Variants in FAM90A1 observed in about 807,000 individuals in gnomAD.
FAM90A1 encodes family with sequence similarity 90 member A1.
In FAM90A1, 10 loss-of-function variants were observed where a neutral mutation model predicts 14.8. The ratio of observed to expected loss-of-function variants is 0.67; its 90% confidence interval spans 0.42 to 1.14. The LOEUF (loss-of-function observed/expected upper bound fraction) is 1.14. Ranked by LOEUF, FAM90A1 falls within the 50% of genes most tolerant of loss-of-function variation. The probability of loss-of-function intolerance (pLI) is 0.00; values close to 1 mark genes in which losing one functional copy is unlikely to be tolerated. For missense variants in FAM90A1, 567 were observed against 602.8 expected, an observed-to-expected ratio of 0.94 and a Z score of 0.62; for synonymous variants, 236 against 248.4, an observed-to-expected ratio of 0.95 and a Z score of 0.47.
chr12:8,224,792 A>T lies in FAM90A1; in HGVS notation c.41T>A (p.Leu14Gln), dbSNP rs1490951613. The T allele has an allele frequency of 5.6e-6, 9 of 1,608,526 alleles. No homozygotes were observed. Among genetic ancestry groups the T allele is most frequent in the Non-Finnish European group, 6.8e-6 (8 of 1,179,692 alleles). The change falls in exon 4 of 7, where the codon CTG becomes CAG. Residue 14 changes from leucine to glutamine, a missense_variant. By Grantham distance (113) the Leu-to-Gln change is moderately radical (BLOSUM62 -2). Transcript: ENST00000538603. ...RRDPKPGAKR[L>Q]VRAQTLQKQR... The stretch of plus-strand genomic sequence containing the variant: ...CTTCTGGAGGGTCTGGGCTCTCACC[A>T]GTCTCTTTGCCCCAGGTTTGGGGTC...
chr12:8,227,163 T>A, intron 1 of FAM90A1, among the ~76,000 whole-genome samples: 1 of 152,202 alleles, frequency 6.6e-6, no homozygotes, highest in Non-Finnish European at 1.5e-5. Flanking sequence ...CCCCTGTCCC[T>A]CAGTTACTGC....
chr12:8,223,275 C>G (rs111896101), intron 6 of FAM90A1, among the ~76,000 whole-genome samples, 174 bp downstream of exon 6: 2 of 152,192 alleles, frequency 1.3e-5, no homozygotes, highest in Non-Finnish European at 2.9e-5. Context: ...AATACGGCAT[C>G]TTCAGATGCC....
chr12:8,224,892 A>G lies in FAM90A1; in HGVS notation c.-56-4T>C. On this transcript the variant is annotated splice_region_variant and splice_polypyrimidine_tract_variant and intron_variant, in intron 3 of 6. Coordinates refer to ENST00000538603, the MANE Select transcript of FAM90A1 (RefSeq NM_018088.3). ...CAGGGGTTGATTGTCGGGTCACCTGAAACACACACAAACACACACAAGTCG... is the reference window on the plus strand; with the variant it reads ...CAGGGGTTGATTGTCGGGTCACCTGGAACACACACAAACACACACAAGTCG... 1 of 1,556,350 alleles carries G rather than the reference A, an allele frequency of 6.4e-7. No individual in the cohort carries two copies. Among genetic ancestry groups the G allele is most frequent in the Non-Finnish European group, 8.8e-7 (1 of 1,141,570 alleles).
chr12:8,223,021 C>A (rs781378737), intron 6 of FAM90A1, among the ~76,000 whole-genome samples: 2 of 152,240 alleles, frequency 1.3e-5, no homozygotes, highest in African/African-American at 4.8e-5. Flanking sequence ...CAAAAGATTG[C>A]GTCTTAGGCA....
chr12:8,226,632 C>T (rs1948949083), intron 1 of FAM90A1, among the ~76,000 whole-genome samples, 154 bp from the exon 2 acceptor site: 2 of 152,162 alleles, frequency 1.3e-5, no homozygotes, highest in Admixed American at 6.5e-5. Context: ...TTAATCCCCA[C>T]TGCAGCTCTC....
In FAM90A1 at chr12:8,222,452, G is replaced by T. The variant is rs17857270; in HGVS notation, c.765C>A (p.Ser255Arg). 0.077 allele frequency: 114,866 copies of T among 1,485,076 alleles called. 11,457 individuals carry two copies. Among genetic ancestry groups the T allele is most frequent in the East Asian group, 0.41 (17,005 of 41,402 alleles). The allele number at this position is 1,485,076 out of a possible 1,614,324, so 92.0% of individuals were successfully genotyped here. A position where few individuals can be genotyped will look rare whatever the true frequency, so the allele number is the denominator to read the frequency against. ...SKTHGLLQAV[S>R]PQAQDKRPAV... ...CAGGACGTTTGTCTTGTGCCTGGGGGCTGACGGCCTGGAGCAGGCCGTGGG... is the reference window on the plus strand; with the variant it reads ...CAGGACGTTTGTCTTGTGCCTGGGGTCTGACGGCCTGGAGCAGGCCGTGGG... The change falls in exon 7 of 7, where the codon AGC becomes AGA. Residue 255 changes from serine (S) to arginine (R), a missense_variant. By Grantham distance (110) the Ser-to-Arg change is moderately radical. Transcript: ENST00000538603.
chr12:8,222,956 C>T (rs904632490), intron 6 of FAM90A1, among the ~76,000 whole-genome samples, 172 bp from the exon 7 acceptor site: 11 of 152,352 alleles, frequency 7.2e-5, no homozygotes, highest in African/African-American at 2.4e-4. Flanking sequence ...CAGGACAAGA[C>T]ACATGAAAGA....
rs1245034326 is a variant in FAM90A1 at position 8,224,883 on chromosome 12, G to A, written c.-51C>T. On this transcript the variant is annotated 5_prime_UTR_variant, in exon 4 of 7. Coordinates refer to ENST00000538603, the MANE Select transcript of FAM90A1 (RefSeq NM_018088.3). ...CGCCTTTTTCAGGGGTTGATTGTCG[G>A]GTCACCTGAAACACACACAAACACA... 1.9e-6 allele frequency: 3 copies of A among 1,599,728 alleles called. No individual in the cohort carries two copies. The South Asian group carries it at 3.3e-5, about 18-fold the overall frequency.
chr12:8,222,418 A>G lies in FAM90A1; in HGVS notation c.799T>C (p.Ser267Pro), dbSNP rs1200224656. ...QAQDKRPAVT[S>P]QPCPPAATHS... ...GTGGCGGCTGGTGGGCAGGGCTGTG[A>G]GGTCACCGCAGGACGTTTGTCTTGT... The change falls in exon 7 of 7, where the codon TCA becomes CCA. Residue 267 changes from serine to proline, a missense_variant. By Grantham distance (74) the Ser-to-Pro change is moderately conservative. Coordinates refer to ENST00000538603, the MANE Select transcript of FAM90A1 (RefSeq NM_018088.3). The G allele has an allele frequency of 3.1e-6, 5 of 1,610,890 alleles. No homozygotes were observed. Among genetic ancestry groups the G allele is most frequent in the Non-Finnish European group, 2.5e-6 (3 of 1,179,322 alleles).
At chr12:8,226,802 CT>C (rs71042351) in intron 1 of FAM90A1, among the ~76,000 whole-genome samples, 1,327 of 79,784 alleles carry the variant, frequency 0.017, no homozygotes, top group African/African-American at 0.037. Context: ...TCATTGATGT[CT>C]TTTTTTTTTT....
At position 8,222,710 on chromosome 12, in the gene FAM90A1, T is replaced by C; in HGVS notation, c.507A>G (p.Ser169=). 6.2e-7 allele frequency: 1 copy of C among 1,607,262 alleles called. No homozygotes were observed. The highest frequency in any genetic ancestry group is 8.5e-7 in the Non-Finnish European group (1 of 1,179,840). The change falls in exon 7 of 7, where the codon TCA becomes TCG. Residue 169 remains serine (S), a synonymous_variant. Transcript: ENST00000538603. ...AGCCCCTGTCAGACATTTCGGTAGCTGAGCGATCAGAGAGGACAGGGTCCA... is the reference window on the plus strand; with the variant it reads ...AGCCCCTGTCAGACATTTCGGTAGCCGAGCGATCAGAGAGGACAGGGTCCA... The part of the protein sequence containing the change: ...PRVDPVLSDR[S]ATEMSDRGSV...
chr12:8,222,648 C>T lies in FAM90A1; in HGVS notation c.569G>A (p.Ser190Asn). The change falls in exon 7 of 7, where the codon AGT becomes AAT. Residue 190 changes from serine to asparagine, a missense_variant. By Grantham distance (46) the Ser-to-Asn change is conservative. Transcript: ENST00000538603. ...LASLSPLRKA[S>N]LSSSSSLGPK... ...TCCAAGACTTGAGGAGGAGCTCAGA[C>T]TGGCTTTTCTGAGGGGAGACAGTGA... The T allele has an allele frequency of 1.9e-6, 3 of 1,611,578 alleles. No individual in the cohort carries two copies. Among genetic ancestry groups the T allele is most frequent in the Non-Finnish European group, 2.5e-6 (3 of 1,179,864 alleles).
Position 8,227,599 on chromosome 12 carries a change from G to A in FAM90A1, c.-540C>T, listed in dbSNP as rs1269826243. On this transcript the variant is annotated 5_prime_UTR_variant, in exon 1 of 7. Transcript: ENST00000538603. ...CCTGGGTTGCTTCTGGAAGGGCCCG[G>A]ATGGGGCCTGACTGGAGCTGCCGAG... 2 of 1,540,402 alleles carry A rather than the reference G, an allele frequency of 1.3e-6. No individual in the cohort carries two copies. Among genetic ancestry groups the A allele is most frequent in the East Asian group, 2.3e-5 (1 of 42,966 alleles).
Position 8,221,819 on chromosome 12 carries a change from GTC to G in FAM90A1, c.*1_*2del. 2 of 1,595,698 alleles carry G rather than the reference GTC, an allele frequency of 1.3e-6. No homozygotes were observed. The highest frequency in any genetic ancestry group is 8.5e-7 in the Non-Finnish European group (1 of 1,179,162). ...GGCCAAGGAGCCCCTGCCACCTGCA[GTC>G]TCACTCCAGGTCAGAATCGCTGTCC... On this transcript the variant is annotated 3_prime_UTR_variant, in exon 7 of 7. Coordinates refer to ENST00000538603, the MANE Select transcript of FAM90A1 (RefSeq NM_018088.3).
At position 8,222,426 on chromosome 12, in the gene FAM90A1, G is replaced by A. The variant is rs1204702725; in HGVS notation, c.791C>T (p.Ala264Val). 19 of 1,610,176 alleles carry A rather than the reference G, an allele frequency of 1.2e-5. 1 individual carries two copies. The highest frequency in any genetic ancestry group is 2.7e-5 in the African/African-American group (2 of 74,840). Residue 264 changes from alanine (A) to valine (V), a missense_variant, in exon 7 of 7, where the codon GCG becomes GTG. By Grantham distance (64) the Ala-to-Val change is moderately conservative (BLOSUM62 0). Coordinates refer to ENST00000538603, the MANE Select transcript of FAM90A1 (RefSeq NM_018088.3). ...TGGTGGGCAGGGCTGTGAGGTCACC[G>A]CAGGACGTTTGTCTTGTGCCTGGGG... The part of the protein sequence containing the change: ...VSPQAQDKRP[A>V]VTSQPCPPAA...
chr12:8,227,385 G>A, intron 1 of FAM90A1, 95 bp downstream of exon 1: 1 of 362,600 alleles, frequency 2.8e-6, no homozygotes, highest in Admixed American at 4.0e-5. Context: ...TGGGGGCTGT[G>A]TCAGGGCAGC....
rs771450063 is a variant in FAM90A1 at position 8,223,408 on chromosome 12, C to A, written c.432+41G>T. 40 of 1,253,610 alleles carry A rather than the reference C, an allele frequency of 3.2e-5. No individual in the cohort carries two copies. The East Asian group carries it at 8.8e-4, about 28-fold the overall frequency. 77.7% of individuals were successfully genotyped at this position (1,253,610 alleles called of 1,614,324 possible). A position where few individuals can be genotyped will look rare whatever the true frequency, so the allele number is the denominator to read the frequency against. On this transcript the variant is annotated intron_variant, in intron 6 of 6. Coordinates refer to ENST00000538603, the MANE Select transcript of FAM90A1 (RefSeq NM_018088.3). ...GCTGAAAGGAAATCAACCAGGGTGA[C>A]CTAGAGGAGAAAAAGACCAGGGGCC...
At position 8,221,952 on chromosome 12, in the gene FAM90A1, G is replaced by T. The variant is rs552829155; in HGVS notation, c.1265C>A (p.Ala422Asp). Reference protein sequence around the residue: ...PSFHSPEKPGAFLAQSPHVSE... With the variant: ...PSFHSPEKPGDFLAQSPHVSE... Reference sequence around the variant, plus strand: ...GACATGAGGGCTCTGAGCGAGGAAGGCTCCCGGCTTCTCAGGAGAGTGAAA... The same window carrying T: ...GACATGAGGGCTCTGAGCGAGGAAGTCTCCCGGCTTCTCAGGAGAGTGAAA... Residue 422 changes from alanine (A) to aspartate (D), a missense_variant, in exon 7 of 7, where the codon GCC becomes GAC. Coordinates refer to ENST00000538603, the MANE Select transcript of FAM90A1 (RefSeq NM_018088.3). 5 of 1,596,576 alleles carry T rather than the reference G, an allele frequency of 3.1e-6. No homozygotes were observed. Among genetic ancestry groups the T allele is most frequent in the Non-Finnish European group, 4.2e-6 (5 of 1,179,766 alleles).
At chr12:8,224,373 C>T (rs145170221) in intron 4 of FAM90A1, among the ~76,000 whole-genome samples, 158 bp from the exon 5 acceptor site, 2,148 of 152,286 alleles carry the variant, frequency 0.014, 22 homozygotes, top group Middle Eastern at 0.038. Context: ...AGTTCGGATA[C>T]GATGTTCCCT....
Sources: gnomAD v4.1 joint callset for allele counts (sites outside exome capture counted in the v4.1 genomes callset) on GRCh38, gnomAD v4.1.1 for gene constraint, MANE v1.5 for transcripts, NCBI Gene and HGNC (gene_info 2026-07-23, HGNC 2026-07-21) for gene names.